Variants in GALNTL6 observed in about 807,000 individuals in gnomAD.
The protein encoded by GALNTL6 is polypeptide N-acetylgalactosaminyltransferase-like 6.
A neutral mutation model predicts 73.7 loss-of-function variants in GALNTL6; 46 were observed. The ratio of observed to expected loss-of-function variants is 0.62; its 90% CI spans 0.49 to 0.80. The LOEUF is 0.80. Among genes scored for constraint, GALNTL6 ranks in the 30% least tolerant of loss-of-function variants. The pLI is 0.00. For missense variants in GALNTL6, 604 were observed against 755.0 expected, an observed-to-expected ratio of 0.80 and a Z score of 2.34; for synonymous variants, 259 against 263.7, an observed-to-expected ratio of 0.98 and a Z score of 0.17.
intron 5 of GALNTL6, among the ~76,000 whole-genome samples, chr4:172,534,408 A>G (rs931614331): frequency 6.6e-6 from 1 of 152,190 alleles, no homozygotes; most frequent in Admixed American, 6.5e-5. Flanking sequence ...CCTCATCTTG[A>G]AATTTTATTT....
chr4:171,835,628 C>A (rs768373724), intron 2 of GALNTL6, among the ~76,000 whole-genome samples: 74 of 151,802 alleles, frequency 4.9e-4, no homozygotes, highest in Non-Finnish European at 7.4e-4. Context: ...ATTTTTAAAG[C>A]AATTGACAGT....
intron 10 of GALNTL6, among the ~76,000 whole-genome samples, chr4:172,959,098 G>A (rs1416956238): frequency 2.6e-5 from 4 of 152,264 alleles, no homozygotes; most frequent in Middle Eastern, 3.4e-3. Context: ...TTTAAAGTGC[G>A]CTGCGGGATG....
chr4:172,721,904 C>T (rs1735495704), intron 5 of GALNTL6, among the ~76,000 whole-genome samples: 1 of 152,072 alleles, frequency 6.6e-6, no homozygotes, highest in African/African-American at 2.4e-5. Context: ...CAAGACTCCA[C>T]TGCCAGCATC....
At chr4:172,212,890 C>T (rs556026216) in intron 2 of GALNTL6, among the ~76,000 whole-genome samples, 5 of 152,134 alleles carry the variant, frequency 3.3e-5, no homozygotes, top group East Asian at 3.9e-4. Flanking sequence ...AGGCTGTTCT[C>T]GAACTCCCGA....
At chr4:172,916,080 G>T (rs941994110) in intron 8 of GALNTL6, among the ~76,000 whole-genome samples, 23 of 152,308 alleles carry the variant, frequency 1.5e-4, no homozygotes, top group South Asian at 8.3e-4. Context: ...TGGAATGAAA[G>T]GCTGGTTCAA....
chr4:172,122,426 G>C (rs1245234764), intron 2 of GALNTL6, among the ~76,000 whole-genome samples: 1 of 152,052 alleles, frequency 6.6e-6, no homozygotes, highest in Admixed American at 6.6e-5. Context: ...TCTGGTTATG[G>C]CACCAGGCAG....
intron 5 of GALNTL6, among the ~76,000 whole-genome samples, chr4:172,627,155 T>G (rs1739200588): frequency 6.6e-6 from 1 of 152,166 alleles, no homozygotes; most frequent in African/African-American, 2.4e-5. Flanking sequence ...CTCATTATTC[T>G]GAGGTACGTT....
At chr4:172,614,773 G>A (rs528106823) in intron 5 of GALNTL6, among the ~76,000 whole-genome samples, 4 of 152,120 alleles carry the variant, frequency 2.6e-5, no homozygotes, top group Admixed American at 6.6e-5. Flanking sequence ...TTACAGCATC[G>A]TAAGCCTAAT....
chr4:172,231,361 A>T (rs1257582512), intron 3 of GALNTL6, among the ~76,000 whole-genome samples: 1 of 152,218 alleles, frequency 6.6e-6, no homozygotes, highest in Non-Finnish European at 1.5e-5. Context: ...TTGCATATGT[A>T]TTTTATTTAA....
chr4:172,981,712 A>G (rs993778157), intron 10 of GALNTL6, among the ~76,000 whole-genome samples: 8 of 151,972 alleles, frequency 5.3e-5, no homozygotes, highest in Non-Finnish European at 1.2e-4. Flanking sequence ...ATTTAAGGAT[A>G]AATTTTTATA....
chr4:171,910,616 A>G (rs958851597), intron 2 of GALNTL6, among the ~76,000 whole-genome samples: 1 of 152,098 alleles, frequency 6.6e-6, no homozygotes, highest in African/African-American at 2.4e-5. Context: ...AGATGTCTGT[A>G]TAAGTATTAA....
At chr4:172,947,798 T>C (rs1006953792) in intron 9 of GALNTL6, among the ~76,000 whole-genome samples, 2 of 152,196 alleles carry the variant, frequency 1.3e-5, no homozygotes, top group African/African-American at 4.8e-5. Context: ...TCTCTGTGTA[T>C]GTGAATGTGT....
intron 5 of GALNTL6, among the ~76,000 whole-genome samples, chr4:172,359,494 C>G (rs1742288933): frequency 1.3e-5 from 2 of 152,026 alleles, no homozygotes; most frequent in African/African-American, 2.4e-5. Context: ...ACATGTACCC[C>G]TGAAACGAAA....
intron 7 of GALNTL6, among the ~76,000 whole-genome samples, chr4:172,881,655 A>G (rs1745457008): frequency 6.6e-6 from 1 of 152,232 alleles, no homozygotes; most frequent in African/African-American, 2.4e-5. Context: ...TTTTGTGTAT[A>G]TCAACATTTG....
chr4:171,925,458 A>G (rs932652293), intron 2 of GALNTL6, among the ~76,000 whole-genome samples: 4 of 152,186 alleles, frequency 2.6e-5, no homozygotes, highest in African/African-American at 9.7e-5. Context: ...CGTAAGAACA[A>G]ATCAGAGTGG....
rs140019820 is a variant in GALNTL6, at chr4:172,247,537, A to T, written c.247+17773A>T. Among the ~76,000 whole-genome samples the T allele has an allele frequency of 4.3e-3, 657 of 152,312 alleles. 7 individuals are homozygous for T. The highest frequency in any genetic ancestry group is 0.015 in the African/African-American group (630 of 41,574). On this transcript the variant is annotated intron_variant, in intron 3 of 12. Transcript: ENST00000506823. ...CTCAACTGTAAGATTCTTAAATCAG[A>T]CTGGAAACCAATGTCCAATAGACAC...
At chr4:172,299,862 G>A (rs1739843278) in intron 3 of GALNTL6, among the ~76,000 whole-genome samples, 1 of 152,178 alleles carries the variant, frequency 6.6e-6, no homozygotes, top group Non-Finnish European at 1.5e-5. Context: ...GGGGTGGAGA[G>A]TTCTGTAGAT....
At chr4:172,579,712 A>G in intron 5 of GALNTL6, among the ~76,000 whole-genome samples, 1 of 152,154 alleles carries the variant, frequency 6.6e-6, no homozygotes, top group African/African-American at 2.4e-5. Context: ...TAGAAATAGC[A>G]AGGTTCAAAG....
At chr4:172,259,162 G>A (rs1738173963) in intron 3 of GALNTL6, among the ~76,000 whole-genome samples, 1 of 151,256 alleles carries the variant, frequency 6.6e-6, no homozygotes, top group Non-Finnish European at 1.5e-5. Flanking sequence ...TCTACTTTTA[G>A]TATTTTAAGG....
Sources: allele counts gnomAD v4.1 joint callset (sites outside exome capture counted in the v4.1 genomes callset), GRCh38; gene constraint gnomAD v4.1.1; transcripts MANE v1.5; gene names NCBI Gene and HGNC (gene_info 2026-07-23, HGNC 2026-07-21).